The following BRCA2 variants were observed in gnomAD, a reference collection of about 807,000 sequenced individuals.
BRCA2 encodes the protein breast cancer type 2 susceptibility protein.
In BRCA2, 203 loss-of-function variants were observed where a neutral mutation model predicts 276.7. That is an observed-to-expected ratio of 0.73 (90% CI 0.65 to 0.82). BRCA2 has a LOEUF of 0.82. Ranked by LOEUF, BRCA2 falls within the 40% of genes least tolerant of loss-of-function variation. The pLI is 0.00. For missense variants in BRCA2, 3,920 were observed against 3,915.0 expected, an observed-to-expected ratio of 1.00 and a Z score of -0.03; for synonymous variants, 1,289 against 1,338.4, an observed-to-expected ratio of 0.96 and a Z score of 0.81.
Position 32,333,385 on chromosome 13 carries a change from C to T in BRCA2, c.1907C>T (p.Ser636Leu), listed in dbSNP as rs431825288. ...CCACTTACATTTGCAAATGCTGATT[C>T]AGGTACCTCTGTCTTTTTTTTTTTG... is the stretch of plus-strand genomic sequence containing the variant. ...EAPLTFANAD[S>L]GLLHSSVKRS... The change falls in exon 10 of 27, where the codon TCA (serine) becomes TTA (leucine). Residue 636 changes from serine to leucine, a missense_variant and splice_region_variant. Ser to Leu is a moderately radical substitution (Grantham distance 145). Coordinates refer to ENST00000380152, the MANE Select transcript of BRCA2 (RefSeq NM_000059.4). 1 of 1,609,090 alleles carries T rather than the reference C, an allele frequency of 6.2e-7. No individual in the cohort carries two copies. The highest frequency in any genetic ancestry group is 1.7e-5 in the Admixed American group (1 of 59,604).
In BRCA2 at chr13:32,354,959, A is replaced by G. The variant is rs1555286006; in HGVS notation, c.7106A>G (p.Glu2369Gly). Residue 2369 changes from glutamate (E) to glycine (G), a missense_variant, in exon 14 of 27, where the codon GAA becomes GGA. Glu to Gly is a moderately conservative substitution (Grantham distance 98, BLOSUM62 -2). This residue lies in a region of BRCA2 where 3,263 missense variants were observed against 3,156.9 expected (regional missense o/e 1.03). Transcript: ENST00000380152. ...KSHLYEHLTL[E>G]KSSSNLAVSG... ...CATTTGTATGAACATCTGACTTTGG[A>G]AAAATCTTCAAGCAATTTAGCAGTT... 6.2e-7 allele frequency: 1 copy of G among 1,613,674 alleles called. No individual in the cohort carries two copies. The highest frequency in any genetic ancestry group is 8.5e-7 in the Non-Finnish European group (1 of 1,179,774).
rs565268514 is a variant in BRCA2 at position 32,339,307 on chromosome 13, C to T, written c.4952C>T (p.Pro1651Leu). Reference sequence around the variant, plus strand: ...GTAGAAAAAGAAACAGCAAAAAGTCCTGCAACTTGTTACACAAATCAGTCC... The same window carrying T: ...GTAGAAAAAGAAACAGCAAAAAGTCTTGCAACTTGTTACACAAATCAGTCC... Reference protein sequence around the residue: ...ENVEKETAKSPATCYTNQSPY... With the variant: ...ENVEKETAKSLATCYTNQSPY... The change falls in exon 11 of 27, where the codon CCT (proline) becomes CTT (leucine). Residue 1651 changes from proline to leucine, a missense_variant. This residue lies in a region of BRCA2 where 3,263 missense variants were observed against 3,156.9 expected (regional missense o/e 1.03). Transcript: ENST00000380152. 7 of 1,603,548 alleles carry T rather than the reference C, an allele frequency of 4.4e-6. No individual in the cohort carries two copies. In the South Asian group the frequency reaches 7.9e-5, roughly 18 times the overall value.
chr13:32,353,142 T>C (rs905102090), intron 13 of BRCA2, among the ~76,000 whole-genome samples: 2 of 152,194 alleles, frequency 1.3e-5, no homozygotes, highest in East Asian at 3.8e-4. Context: ...CCTAATAGAT[T>C]GTTCTCATCA....
chr13:32,336,080 A>G (rs1566225650), intron 10 of BRCA2, among the ~76,000 whole-genome samples, 185 bp from the exon 11 acceptor site: 2 of 151,774 alleles, frequency 1.3e-5, no homozygotes, highest in African/African-American at 2.4e-5. Context: ...TGGTCTCACT[A>G]TGTTGCCCAG....
intron 11 of BRCA2, among the ~76,000 whole-genome samples, chr13:32,341,690 C>A (rs924982555): frequency 2.0e-4 from 30 of 151,714 alleles, no homozygotes; most frequent in Non-Finnish European, 4.1e-4. Flanking sequence ...AACGGTGAAA[C>A]CCCGTCTCTA....
intron 2 of BRCA2, 150 bp downstream of exon 2, chr13:32,316,677 G>T: frequency 1.4e-6 from 1 of 737,454 alleles, no homozygotes; most frequent in Non-Finnish European, 2.3e-6. Flanking sequence ...CATAATCATC[G>T]TTTGCAGGTT....
rs1304580612 is a variant in BRCA2 at position 32,399,537 on chromosome 13, A to G, written c.*767A>G. 5.5e-6 allele frequency: 1 copy of G among 182,180 alleles called. No individual in the cohort carries two copies. Among genetic ancestry groups the G allele is most frequent in the Non-Finnish European group, 1.2e-5 (1 of 85,508 alleles). 11.3% of individuals were successfully genotyped at this position (182,180 alleles called of 1,614,324 possible). A position where few individuals can be genotyped will look rare whatever the true frequency, so the allele number is the denominator to read the frequency against. ...TTTTACTATTCCAGTGTGATCTCTG[A>G]AATTAAATTACTTCAACTAAAAATT... On this transcript the variant is annotated 3_prime_UTR_variant, in exon 27 of 27. Transcript: ENST00000380152.
intron 18 of BRCA2, among the ~76,000 whole-genome samples, chr13:32,365,721 CTTT>C (rs36116910): frequency 4.7e-5 from 5 of 105,882 alleles, no homozygotes; most frequent in Non-Finnish European, 9.3e-5. Context: ...ACTTTGGTGT[CTTT>C]TTTTTTTTTT....
chr13:32,348,602 G>C (rs912341946), intron 13 of BRCA2, among the ~76,000 whole-genome samples: 2 of 152,172 alleles, frequency 1.3e-5, no homozygotes, highest in Admixed American at 1.3e-4. Context: ...TCTGAATTAA[G>C]TGTGAGGGTA....
rs1205776232 is a variant in BRCA2, at chr13:32,380,023, T to C, written c.9134T>C (p.Leu3045Ser). 6.2e-7 allele frequency: 1 copy of C among 1,613,978 alleles called. No homozygotes were observed. Among genetic ancestry groups the C allele is most frequent in the Admixed American group, 1.7e-5 (1 of 59,996 alleles). Residue 3045 changes from leucine to serine, a missense_variant, in exon 24 of 27, where the codon TTA (leucine) becomes TCA (serine). Coordinates refer to ENST00000380152, the MANE Select transcript of BRCA2 (RefSeq NM_000059.4). ...YQQLPVSDEILFQIYQPREPL... is the reference protein window; with the variant it reads ...YQQLPVSDEISFQIYQPREPL... Reference sequence around the variant, plus strand: ...TTTCTGTAGGTTTCAGATGAAATTTTATTTCAGATTTACCAGCCACGGGAG... The same window carrying C: ...TTTCTGTAGGTTTCAGATGAAATTTCATTTCAGATTTACCAGCCACGGGAG...
chr13:32,354,150 A>G (rs2072670787), intron 13 of BRCA2, among the ~76,000 whole-genome samples: 2 of 152,170 alleles, frequency 1.3e-5, no homozygotes, highest in African/African-American at 4.8e-5. Flanking sequence ...TGTCATAGCT[A>G]TTAGGAAAGT....
At position 32,355,264 on chromosome 13, in the gene BRCA2, A is replaced by G. The variant is rs771087264; in HGVS notation, c.7411A>G (p.Thr2471Ala). ...CAATCAAGCAGTAGCTGTAACTTTC[A>G]CAAAGTGTGAAGAAGAACCTTTAGG... ...NSNQAVAVTF[T>A]KCEEEPLDLI... Residue 2471 changes from threonine to alanine, a missense_variant, in exon 14 of 27, where the codon ACA becomes GCA. Physicochemically the swap from Thr to Ala is moderately conservative, Grantham distance 58. Around this residue, in one of 2 missense-constraint regions of BRCA2, gnomAD observed 3,263 missense variants for 3,156.9 expected, o/e 1.03. Coordinates refer to ENST00000380152, the MANE Select transcript of BRCA2 (RefSeq NM_000059.4). 4 of 1,613,782 alleles carry G rather than the reference A, an allele frequency of 2.5e-6. No homozygotes were observed. The East Asian group carries it at 8.9e-5, about 36-fold the overall frequency.
chr13:32,337,556 T>G lies in BRCA2; in HGVS notation c.3201T>G (p.Thr1067=), dbSNP rs763800682. The G allele has an allele frequency of 6.2e-7, 1 of 1,607,648 alleles. No individual in the cohort carries two copies. The highest frequency in any genetic ancestry group is 1.3e-5 in the African/African-American group (1 of 74,730). ...KKLSKPQSIN[T]VSAHLQSSVV... ...TGAGCAAGCCTCAGTCAATTAATAC[T>G]GTATCTGCACATTTACAGAGTAGTG... The change falls in exon 11 of 27, where the codon ACT becomes ACG. Residue 1067 remains threonine, a synonymous_variant. Coordinates refer to ENST00000380152, the MANE Select transcript of BRCA2 (RefSeq NM_000059.4).
chr13:32,362,558 T>C lies in BRCA2; in HGVS notation c.7841T>C (p.Leu2614Pro), dbSNP rs2072745176. The C allele has an allele frequency of 6.2e-7, 1 of 1,613,940 alleles. No homozygotes were observed. Among genetic ancestry groups the C allele is most frequent in the Non-Finnish European group, 8.5e-7 (1 of 1,179,920 alleles). ...GACACTCCAGGTGTGGATCCAAAGC[T>C]TATTTCTAGAATTTGGGTTTATAAT... ...LCDTPGVDPKLISRIWVYNHY... is the reference protein window; with the variant it reads ...LCDTPGVDPKPISRIWVYNHY... Residue 2614 changes from leucine (L) to proline (P), a missense_variant, in exon 17 of 27, where the codon CTT becomes CCT. Transcript: ENST00000380152.
Position 32,332,498 on chromosome 13 carries a change from ATG to A in BRCA2, c.1023_1024del (p.Cys341Ter), listed in dbSNP as rs1593891760. ...KIFHEANADE[C>X]EKSKNQVKEK... ...TTTTCCATGAAGCAAACGCTGATGA[ATG>A]TGAAAAATCTAAAAACCAAGTGAAA... On this transcript the variant is annotated frameshift_variant, in exon 10 of 27. Transcript: ENST00000380152. LOFTEE classifies it high-confidence loss of function. The A allele has an allele frequency of 1.9e-6, 3 of 1,610,920 alleles. No individual in the cohort carries two copies. The highest frequency in any genetic ancestry group is 1.3e-5 in the African/African-American group (1 of 74,834).
chr13:32,341,090 G>GC lies in BRCA2; in HGVS notation c.6737dup (p.Ser2247LysfsTer14). 1 of 1,613,938 alleles carries GC rather than the reference G, an allele frequency of 6.2e-7. No homozygotes were observed. The highest frequency in any genetic ancestry group is 8.5e-7 in the Non-Finnish European group (1 of 1,179,922). ...ATGATGAACTGACAGATTCTAAACT[G>GC]CCAAGTCATGCCACACATTCTCTTT... On this transcript the variant is annotated frameshift_variant, in exon 11 of 27. Transcript: ENST00000380152. LOFTEE classifies it high-confidence loss of function.
rs80358924 is a variant in BRCA2, at chr13:32,346,855, G to A, written c.6966G>A (p.Met2322Ile). 3 of 1,609,934 alleles carry A rather than the reference G, an allele frequency of 1.9e-6. No homozygotes were observed. Among genetic ancestry groups the A allele is most frequent in the South Asian group, 2.2e-5 (2 of 90,516 alleles). ...DGTIKDRRLF[M>I]HHVSLEPITC... Reference sequence around the variant, plus strand: ...CAATAAAAGATCGAAGATTGTTTATGCATCATGTTTCTTTAGAGCCGATTA... The same window carrying A: ...CAATAAAAGATCGAAGATTGTTTATACATCATGTTTCTTTAGAGCCGATTA... Residue 2322 changes from methionine (M) to isoleucine (I), a missense_variant, in exon 13 of 27, where the codon ATG (methionine) becomes ATA (isoleucine). Coordinates refer to ENST00000380152, the MANE Select transcript of BRCA2 (RefSeq NM_000059.4).
In BRCA2 at chr13:32,316,567, G is replaced by A. The variant is rs371493518; in HGVS notation, c.67+40G>A. On this transcript the variant is annotated intron_variant, in intron 2 of 26. Coordinates refer to ENST00000380152, the MANE Select transcript of BRCA2 (RefSeq NM_000059.4). ...TATATAACTTTATAAATTACACCGA[G>A]AAAGTGTTTTCTAAAAAATGCTTGC... 145 of 1,559,878 alleles carry A rather than the reference G, an allele frequency of 9.3e-5. No homozygotes were observed. Among genetic ancestry groups the A allele is most frequent in the Non-Finnish European group, 1.2e-4 (142 of 1,136,362 alleles).
In BRCA2 at chr13:32,398,874, GA is replaced by G. The variant is rs750558002; in HGVS notation, c.*108del. The stretch of plus-strand genomic sequence containing the variant: ...CATTAGTACTTATGTTGCACAATGA[GA>G]AAAGAAATTAGTTTCAAATTTACCT... On this transcript the variant is annotated 3_prime_UTR_variant, in exon 27 of 27. Coordinates refer to ENST00000380152, the MANE Select transcript of BRCA2 (RefSeq NM_000059.4). The G allele has an allele frequency of 1.9e-5, 27 of 1,418,998 alleles. No individual in the cohort carries two copies. The East Asian group carries it at 6.6e-4, about 35-fold the overall frequency. 87.9% of individuals were successfully genotyped at this position (1,418,998 alleles called of 1,614,324 possible).
Sources: gnomAD v4.1 joint callset for allele counts (sites outside exome capture counted in the v4.1 genomes callset) on GRCh38, gnomAD v4.1.1 for gene constraint, gnomAD v4.1.1 regional missense constraint, MANE v1.5 for transcripts, NCBI Gene and HGNC (gene_info 2026-07-23, HGNC 2026-07-21) for gene names.